Variants in ATP2B1 observed in about 807,000 individuals in gnomAD.
ATP2B1 encodes ATPase plasma membrane Ca2+ transporting 1.
In ATP2B1, 14 loss-of-function variants were observed where a neutral mutation model predicts 124.2. The observed-to-expected ratio is 0.11, with a 90% confidence interval of 0.07 to 0.18. The LOEUF is 0.18. Ranked by LOEUF, ATP2B1 falls within the 10% of genes least tolerant of loss-of-function variation. The pLI is 1.00. For missense variants in ATP2B1, 763 were observed against 1,466.1 expected (o/e 0.52, Z 7.83); for synonymous variants, 449 against 492.4 (o/e 0.91, Z 1.17).
rs1333654436 is a variant in ATP2B1 at position 89,635,183 on chromosome 12, T to C, written c.475A>G (p.Ile159Val). 4.3e-6 allele frequency: 7 copies of C among 1,613,802 alleles called. No homozygotes were observed. Among genetic ancestry groups the C allele is most frequent in the Non-Finnish European group, 4.2e-6 (5 of 1,179,848 alleles). The part of the protein sequence containing the change: ...GETGWIEGAA[I>V]LLSVVCVVLV... ...ACCACACACACTACAGACAAGAGGATTGCAGCTCCTTCAATCCAACCAGTT... is the reference window on the plus strand; with the variant it reads ...ACCACACACACTACAGACAAGAGGACTGCAGCTCCTTCAATCCAACCAGTT... Residue 159 changes from isoleucine to valine, a missense_variant, in exon 4 of 21, where the codon ATC (isoleucine) becomes GTC (valine). Physicochemically the swap from Ile to Val is conservative, Grantham distance 29. Transcript: ENST00000428670.
Position 89,603,389 on chromosome 12 carries a change from AT to A in ATP2B1, c.2849-136del. On this transcript the variant is annotated intron_variant, in intron 17 of 20. Coordinates refer to ENST00000428670, the MANE Select transcript of ATP2B1 (RefSeq NM_001366521.1). The surrounding 1 kb of genome is among the most constrained non-coding windows in gnomAD (Gnocchi z 4.3). ...ATGGAAGGAGCTAGAGAAACCTGGG[AT>A]TATCTAGTACAACTCTCTTGTTTTA... 1.3e-6 allele frequency: 1 copy of A among 741,742 alleles called. No homozygotes were observed. The highest frequency in any genetic ancestry group is 2.1e-6 in the Non-Finnish European group (1 of 468,258). The allele number at this position is 741,742 out of a possible 1,614,324, so 45.9% of individuals were successfully genotyped here.
intron 15 of ATP2B1, among the ~76,000 whole-genome samples, chr12:89,606,059 C>T (rs1409284820): frequency 1.3e-5 from 2 of 150,964 alleles, no homozygotes; most frequent in East Asian, 3.9e-4. Flanking sequence ...AAAGTAATTA[C>T]AGTAGACCAC....
chr12:89,628,799 G>A (rs1441516596), intron 6 of ATP2B1, among the ~76,000 whole-genome samples: 1 of 152,154 alleles, frequency 6.6e-6, no homozygotes, highest in African/African-American at 2.4e-5. Context: ...AGATTGATGA[G>A]GAGATAGTAA....
At chr12:89,627,396 C>CA (rs59737003) in intron 7 of ATP2B1, among the ~76,000 whole-genome samples, 7,006 of 91,218 alleles carry the variant, frequency 0.077, 271 homozygotes, top group African/African-American at 0.13. Flanking sequence ...TTCCAAAATC[C>CA]AAAAAAAAAA....
At chr12:89,638,382 G>A (rs1389383376) in intron 3 of ATP2B1, among the ~76,000 whole-genome samples, 2 of 152,136 alleles carry the variant, frequency 1.3e-5, no homozygotes, top group African/African-American at 4.8e-5. Flanking sequence ...ACAGTACAGA[G>A]AAGTAGTTCT....
In ATP2B1 at chr12:89,588,267, C is replaced by A. The variant is rs190989654; in HGVS notation, c.*2717G>T. The A allele has an allele frequency of 2.6e-5, 4 of 152,614 alleles. No homozygotes were observed. The East Asian group carries it at 7.7e-4, about 29-fold the overall frequency. 9.5% of individuals were successfully genotyped at this position (152,614 alleles called of 1,614,324 possible). A position where few individuals can be genotyped will look rare whatever the true frequency, so the allele number is the denominator to read the frequency against. Reference sequence around the variant, plus strand: ...GCCAGTTTTTTTCTTATAAACAAATCACCAATTCTTGGTTCAAAACTGACA... The same window carrying A: ...GCCAGTTTTTTTCTTATAAACAAATAACCAATTCTTGGTTCAAAACTGACA... On this transcript the variant is annotated 3_prime_UTR_variant, in exon 21 of 21. Coordinates refer to ENST00000428670, the MANE Select transcript of ATP2B1 (RefSeq NM_001366521.1).
At chr12:89,664,062 T>C (rs1252979072) in intron 1 of ATP2B1, among the ~76,000 whole-genome samples, 2 of 152,210 alleles carry the variant, frequency 1.3e-5, no homozygotes, top group African/African-American at 4.8e-5. Context: ...TCTCTCATAT[T>C]TCAGAATTCC....
In ATP2B1 at chr12:89,610,695, C is replaced by G. The variant is rs1877838097; in HGVS notation, c.2248-187G>C. The G allele has an allele frequency of 5.5e-6, 3 of 542,572 alleles. No homozygotes were observed. The Admixed American group carries it at 1.0e-4, about 19-fold the overall frequency. 33.6% of individuals were successfully genotyped at this position (542,572 alleles called of 1,614,324 possible). A position where few individuals can be genotyped will look rare whatever the true frequency, so the allele number is the denominator to read the frequency against. On this transcript the variant is annotated intron_variant, in intron 13 of 20. Coordinates refer to ENST00000428670, the MANE Select transcript of ATP2B1 (RefSeq NM_001366521.1). ...ATCTATCTTAGCGAATACTGTGGGG[C>G]AGGCCCAGCAATCTGTGTTTTAATA...
intron 18 of ATP2B1, among the ~76,000 whole-genome samples, chr12:89,602,573 A>G (rs1299912932): frequency 1.3e-5 from 2 of 152,296 alleles, no homozygotes; most frequent in East Asian, 1.9e-4. Flanking sequence ...TGATTTGACA[A>G]TCAGGTCTGG....
chr12:89,679,435 A>C (rs1340887823), intron 1 of ATP2B1, among the ~76,000 whole-genome samples: 1 of 152,196 alleles, frequency 6.6e-6, no homozygotes, highest in Non-Finnish European at 1.5e-5. Context: ...CTCCAGGACC[A>C]AGACTTAATC....
At chr12:89,619,471 G>C (rs1879575409) in intron 11 of ATP2B1, among the ~76,000 whole-genome samples, 1 of 152,020 alleles carries the variant, frequency 6.6e-6, no homozygotes. Flanking sequence ...AATTAGCCAG[G>C]CGTGGTGGCA....
At chr12:89,687,773 C>T (rs1220626501) in intron 1 of ATP2B1, among the ~76,000 whole-genome samples, 4 of 152,000 alleles carry the variant, frequency 2.6e-5, no homozygotes, top group Non-Finnish European at 4.4e-5. Flanking sequence ...TATTTTACAA[C>T]TTACAATAAT....
chr12:89,598,559 T>C (rs1875150160), intron 20 of ATP2B1: 1 of 1,590,894 alleles, frequency 6.3e-7, no homozygotes. Flanking sequence ...TAGGAAATGT[T>C]AATTTCATGC....
chr12:89,622,979 A>C (rs1305733404), intron 9 of ATP2B1, among the ~76,000 whole-genome samples: 2 of 152,170 alleles, frequency 1.3e-5, no homozygotes, highest in Non-Finnish European at 2.9e-5. Flanking sequence ...TATGTGTCCA[A>C]AACTTGTATT....
At chr12:89,640,212 C>G (rs1022364824) in intron 3 of ATP2B1, among the ~76,000 whole-genome samples, 3 of 152,084 alleles carry the variant, frequency 2.0e-5, no homozygotes, top group Non-Finnish European at 4.4e-5. Context: ...GACTGTCTTC[C>G]CCCACCCCCA....
intron 1 of ATP2B1, among the ~76,000 whole-genome samples, chr12:89,665,769 C>T (rs1887243701): frequency 6.6e-6 from 1 of 152,160 alleles, no homozygotes; most frequent in East Asian, 1.9e-4. Context: ...GCTGCTCTGT[C>T]GGCCTACTCA....
chr12:89,596,220 C>T (rs1166851658), intron 20 of ATP2B1, among the ~76,000 whole-genome samples: 6 of 151,848 alleles, frequency 4.0e-5, no homozygotes, highest in Admixed American at 2.6e-4. Flanking sequence ...TAAATAAAAA[C>T]GAATAGGATA....
chr12:89,683,459 A>T (rs561683552), intron 1 of ATP2B1, among the ~76,000 whole-genome samples: 1 of 152,238 alleles, frequency 6.6e-6, no homozygotes, highest in Admixed American at 6.5e-5. Flanking sequence ...TCCGTAAAGA[A>T]GCGTAAGCTA....
intron 1 of ATP2B1, among the ~76,000 whole-genome samples, chr12:89,660,790 A>C (rs1200664216): frequency 6.6e-6 from 1 of 152,236 alleles, no homozygotes; most frequent in Non-Finnish European, 1.5e-5. Context: ...CATTCTGCAG[A>C]GAATAGCCTT....
Sources: gnomAD v4.1 joint callset for allele counts (sites outside exome capture counted in the v4.1 genomes callset) on GRCh38, gnomAD v4.1.1 for gene constraint, Gnocchi (gnomAD v3.1) non-coding constraint, MANE v1.5 for transcripts, NCBI Gene and HGNC (gene_info 2026-07-23, HGNC 2026-07-21) for gene names.